IL1RAP: variants seen among roughly 807,000 people sequenced by gnomAD.
IL1RAP encodes the protein interleukin-1 receptor accessory protein.
IL1RAP carries 35 observed loss-of-function variants against 60.7 expected under a neutral mutation model. The ratio of observed to expected loss-of-function variants is 0.58; its 90% CI spans 0.44 to 0.76. IL1RAP has a LOEUF of 0.76. Ranked by LOEUF, IL1RAP falls within the 30% of genes least tolerant of loss-of-function variation. The pLI is 0.00. For missense variants in IL1RAP, 572 were observed against 693.9 expected, an observed-to-expected ratio of 0.82 and a Z score of 1.97; for synonymous variants, 268 against 250.9, an observed-to-expected ratio of 1.07 and a Z score of -0.64.
chr3:190,564,083 A>G, intron 2 of IL1RAP: 1 of 555,168 alleles, frequency 1.8e-6, no homozygotes, highest in Non-Finnish European at 3.2e-6. Flanking sequence ...TGCATGTAAT[A>G]TGGGAATTGA....
chr3:190,580,895 A>G (rs1727940761), intron 3 of IL1RAP, among the ~76,000 whole-genome samples: 1 of 152,204 alleles, frequency 6.6e-6, no homozygotes, highest in Non-Finnish European at 1.5e-5. Context: ...ATAGATTGTG[A>G]TGATGGTTTC....
At chr3:190,645,460 C>T (rs1733946954) in intron 10 of IL1RAP, among the ~76,000 whole-genome samples, 1 of 152,146 alleles carries the variant, frequency 6.6e-6, no homozygotes, top group Admixed American at 6.6e-5. Flanking sequence ...ATGGGACAAA[C>T]CTCACTCTTT....
chr3:190,568,942 A>G (rs1450131260), intron 3 of IL1RAP, among the ~76,000 whole-genome samples: 1 of 152,234 alleles, frequency 6.6e-6, no homozygotes, highest in Non-Finnish European at 1.5e-5. Flanking sequence ...GAGAGAAGGA[A>G]GAGGAAATAA....
intron 3 of IL1RAP, among the ~76,000 whole-genome samples, chr3:190,601,545 T>C (rs1318787134): frequency 1.3e-5 from 2 of 152,202 alleles, no homozygotes; most frequent in African/African-American, 4.8e-5. Context: ...ACCTGACAAA[T>C]CCTTTTGCAA....
chr3:190,555,965 T>TATCTATCTATCC (rs1385076015), intron 1 of IL1RAP, 165 bp from the exon 2 acceptor site: 2 of 151,224 alleles, frequency 1.3e-5, no homozygotes, highest in Non-Finnish European at 3.0e-5. Context: ...TCTATCTATC[T>TATCTATCTATCC]ATCTATCTAT....
chr3:190,565,785 A>G (rs1249945488), intron 3 of IL1RAP, among the ~76,000 whole-genome samples: 3 of 151,956 alleles, frequency 2.0e-5, no homozygotes, highest in African/African-American at 7.3e-5. Flanking sequence ...ATAATTCTTG[A>G]TTTTAGTTTG....
intron 3 of IL1RAP, among the ~76,000 whole-genome samples, chr3:190,569,374 C>T (rs1726710918): frequency 1.3e-5 from 2 of 152,192 alleles, no homozygotes; most frequent in Admixed American, 1.3e-4. Flanking sequence ...TAACTCCGTG[C>T]TCAGATATAC....
At chr3:190,594,081 G>A (rs1332337299) in intron 3 of IL1RAP, among the ~76,000 whole-genome samples, 1 of 152,162 alleles carries the variant, frequency 6.6e-6, no homozygotes, top group African/African-American at 2.4e-5. Flanking sequence ...TCAGCCATAA[G>A]TAGACATGTA....
chr3:190,611,931 TG>T (rs1383895953), intron 5 of IL1RAP, among the ~76,000 whole-genome samples: 2 of 152,182 alleles, frequency 1.3e-5, no homozygotes, highest in African/African-American at 4.8e-5. Flanking sequence ...CTTTTTCATT[TG>T]AAAAAAACTA....
chr3:190,645,191 G>A lies in IL1RAP; in HGVS notation c.1202-508G>A, dbSNP rs192275861. On this transcript the variant is annotated intron_variant, in intron 10 of 11. Transcript: ENST00000447382. ...TTCAGTAGGCTTATGGAAGAAACAC[G>A]GAATCGATAGTTTTTAATGAGATGT... Among the ~76,000 whole-genome samples, 234 of 152,242 alleles carry A rather than the reference G, an allele frequency of 1.5e-3. 1 individual carries two copies. Among genetic ancestry groups the A allele is most frequent in the African/African-American group, 5.3e-3 (222 of 41,558 alleles).
downstream of IL1RAP, among the ~76,000 whole-genome samples, chr3:190,653,647 G>A (rs1441498519): frequency 2.0e-5 from 3 of 151,996 alleles, no homozygotes; most frequent in Admixed American, 6.5e-5. Flanking sequence ...GTATTCTTGA[G>A]TATTGAAGAG....
chr3:190,603,720 A>G (rs1282019216), intron 3 of IL1RAP, among the ~76,000 whole-genome samples: 3 of 152,210 alleles, frequency 2.0e-5, no homozygotes, highest in African/African-American at 7.2e-5. Context: ...TAGCCCATGA[A>G]TCAGAAGATC....
intron 7 of IL1RAP, among the ~76,000 whole-genome samples, chr3:190,626,954 G>A (rs959970133): frequency 2.0e-5 from 3 of 152,248 alleles, no homozygotes; most frequent in South Asian, 2.1e-4. Context: ...ACAGGTGTGA[G>A]CCACTATGCC....
chr3:190,645,649 G>T, intron 10 of IL1RAP, 50 bp from the exon 11 acceptor site: 1 of 1,427,782 alleles, frequency 7.0e-7, no homozygotes. Flanking sequence ...AAATGTAATG[G>T]TATTGAGAAA....
At chr3:190,584,702 T>C (rs564119723) in intron 3 of IL1RAP, among the ~76,000 whole-genome samples, 2 of 152,356 alleles carry the variant, frequency 1.3e-5, no homozygotes, top group East Asian at 3.9e-4. Context: ...AAGTTCCTGA[T>C]ATTTTTCTTT....
chr3:190,552,670 A>G (rs1724964716), intron 1 of IL1RAP, among the ~76,000 whole-genome samples: 1 of 152,128 alleles, frequency 6.6e-6, no homozygotes, highest in Non-Finnish European at 1.5e-5. Flanking sequence ...TCATTTGGCA[A>G]TCTCATATTT....
exon 12 of IL1RAP, chr3:190,656,919 C>A (rs528954343): frequency 2.8e-4 from 62 of 220,832 alleles, no homozygotes; most frequent in African/African-American, 1.4e-3. Context: ...AAATGTGTTT[C>A]TTTTCAGTGA....
intron 3 of IL1RAP, among the ~76,000 whole-genome samples, chr3:190,584,521 C>G (rs9863249): frequency 6.6e-6 from 1 of 152,166 alleles, no homozygotes; most frequent in South Asian, 2.1e-4. Flanking sequence ...ATTTCATGAA[C>G]ACTTGCTATT....
exon 12 of IL1RAP, chr3:190,657,541 A>G (rs1734654963): frequency 6.6e-6 from 1 of 152,266 alleles, no homozygotes; most frequent in Non-Finnish European, 1.5e-5. Context: ...TCAAGTGCCT[A>G]CAAGGATCAG....
Sources: allele counts gnomAD v4.1 joint callset (sites outside exome capture counted in the v4.1 genomes callset), GRCh38; gene constraint gnomAD v4.1.1; transcripts MANE v1.5; gene names NCBI Gene and HGNC (gene_info 2026-07-23, HGNC 2026-07-21).